Variants in DISC1 observed in about 807,000 individuals in gnomAD.
DISC1 encodes the protein DISC1 scaffold protein.
In DISC1, 57 loss-of-function variants were observed where a neutral mutation model predicts 84.5. That is an observed-to-expected ratio of 0.67 (90% CI 0.55 to 0.84). The LOEUF is 0.84. Ranked by LOEUF, DISC1 falls within the 40% of genes least tolerant of loss-of-function variation. The probability of loss-of-function intolerance (pLI) is 0.00; values close to 1 mark genes in which losing one functional copy is unlikely to be tolerated. For missense variants in DISC1, 1,000 were observed against 1,057.8 expected, an observed-to-expected ratio of 0.95 and a Z score of 0.76; for synonymous variants, 411 against 415.2, an observed-to-expected ratio of 0.99 and a Z score of 0.12.
chr1:231,631,907 C>T (rs904168020), intron 1 of DISC1, among the ~76,000 whole-genome samples: 7 of 152,136 alleles, frequency 4.6e-5, no homozygotes, highest in African/African-American at 1.7e-4. Flanking sequence ...CGTGCACTCA[C>T]CACTCACTCA....
intron 10 of DISC1, among the ~76,000 whole-genome samples, chr1:232,007,534 G>A (rs1327946829): frequency 6.6e-6 from 1 of 152,178 alleles, no homozygotes; most frequent in African/African-American, 2.4e-5. Flanking sequence ...GTTTTGGCCA[G>A]TTTCTCCCAT....
intron 1 of DISC1, among the ~76,000 whole-genome samples, chr1:231,674,664 T>G (rs1345938673): frequency 6.6e-6 from 1 of 152,246 alleles, no homozygotes; most frequent in African/African-American, 2.4e-5. Flanking sequence ...ACTTGTTGGG[T>G]ACACAGAGTA....
chr1:231,736,907 G>A (rs906707237), intron 3 of DISC1, among the ~76,000 whole-genome samples: 1 of 152,204 alleles, frequency 6.6e-6, no homozygotes, highest in African/African-American at 2.4e-5. Flanking sequence ...AGTGGGAATC[G>A]AATCTATTTA....
intron 12 of DISC1, among the ~76,000 whole-genome samples, chr1:232,034,473 C>T (rs200685824): frequency 2.6e-5 from 4 of 152,198 alleles, no homozygotes; most frequent in South Asian, 4.1e-4. Context: ...GTTGTATGAG[C>T]GGCTGATGTG....
intron 1 of DISC1, among the ~76,000 whole-genome samples, chr1:231,640,348 T>G (rs2125166986): frequency 6.6e-6 from 1 of 152,022 alleles, no homozygotes; most frequent in South Asian, 2.1e-4. Flanking sequence ...AACATAAGAG[T>G]GTCTTGGGGA....
intron 9 of DISC1, among the ~76,000 whole-genome samples, chr1:231,906,282 A>G (rs2088631683): frequency 6.6e-6 from 1 of 152,170 alleles, no homozygotes; most frequent in Non-Finnish European, 1.5e-5. Context: ...TTGACCTCCC[A>G]AAGTGCTGGG....
chr1:231,778,176 C>T (rs150042589), intron 6 of DISC1, among the ~76,000 whole-genome samples: 324 of 152,280 alleles, frequency 2.1e-3, no homozygotes, highest in African/African-American at 7.3e-3. Flanking sequence ...GAAGACCAAA[C>T]AGGCAACTGT....
intron 8 of DISC1, among the ~76,000 whole-genome samples, chr1:231,807,624 G>A (rs200890430): frequency 3.1e-4 from 47 of 152,114 alleles, no homozygotes; most frequent in Non-Finnish European, 6.6e-4. Flanking sequence ...TTTAAGCCCC[G>A]GTCCTCCTTC....
chr1:231,835,337 T>G (rs2082552103), intron 9 of DISC1, among the ~76,000 whole-genome samples: 1 of 151,774 alleles, frequency 6.6e-6, no homozygotes, highest in South Asian at 2.1e-4. Context: ...GAAAAGAGAG[T>G]CAGCGAAGGG....
Position 231,885,652 on chromosome 1 carries a change from A to G in DISC1, c.1981+67135A>G, listed in dbSNP as rs989621600. Among the ~76,000 whole-genome samples, 6 of 151,998 alleles carry G rather than the reference A, an allele frequency of 3.9e-5. No homozygotes were observed. The South Asian group carries it at 1.0e-3, about 26-fold the overall frequency. On this transcript the variant is annotated intron_variant, in intron 9 of 12. Coordinates refer to ENST00000439617, the MANE Select transcript of DISC1 (RefSeq NM_018662.3). ...GATTATGTCTGTGGTTTGTTTCACT[A>G]TTTTCTGGATCACTTCTGAACCAGT...
intron 6 of DISC1, among the ~76,000 whole-genome samples, chr1:231,791,263 T>TA (rs2078328661): frequency 6.6e-6 from 1 of 152,230 alleles, no homozygotes; most frequent in African/African-American, 2.4e-5. Flanking sequence ...CAGTTCATTT[T>TA]AAATAGGTAC....
chr1:231,813,673 TG>T (rs2080571053), intron 8 of DISC1, among the ~76,000 whole-genome samples: 1 of 152,202 alleles, frequency 6.6e-6, no homozygotes, highest in African/African-American at 2.4e-5. Context: ...GCTTGGCATT[TG>T]GGGCACTATT....
At chr1:231,978,618 A>G (rs1663161844) in intron 10 of DISC1, among the ~76,000 whole-genome samples, 1 of 152,178 alleles carries the variant, frequency 6.6e-6, no homozygotes, top group South Asian at 2.1e-4. Context: ...TATATTCGTG[A>G]TATTTCAGTT....
rs541596242 is a variant in DISC1, at chr1:231,693,952, T to A, written c.194T>A (p.Phe65Tyr). The A allele has an allele frequency of 6.2e-7, 1 of 1,614,102 alleles. No homozygotes were observed. The highest frequency in any genetic ancestry group is 1.7e-5 in the Admixed American group (1 of 60,008). The change falls in exon 2 of 13, where the codon TTC (phenylalanine) becomes TAC (tyrosine). Residue 65 changes from phenylalanine (F) to tyrosine (Y), a missense_variant. Transcript: ENST00000439617. ...GFLSPAVGTL[F>Y]RFPGGVSGEE... ...CTTTCCCCAGCAGTGGGCACACTGT[T>A]CCGGTTCCCAGGAGGGGTGTCTGGC...
At position 231,659,183 on chromosome 1, in the gene DISC1, T is replaced by C. The variant is rs377223311; in HGVS notation, c.67+32249T>C. 5.9e-5 allele frequency among the ~76,000 whole-genome samples: 9 copies of C among 152,306 alleles called. No homozygotes were observed. In the East Asian group the frequency reaches 1.7e-3, roughly 29 times the overall value. On this transcript the variant is annotated intron_variant, in intron 1 of 12. Coordinates refer to ENST00000439617, the MANE Select transcript of DISC1 (RefSeq NM_018662.3). ...ACTCATTATTGGTCTATTCAGAGAT[T>C]CAATTTCTTCCTGGTTCAGTCTTGG...
intron 9 of DISC1, among the ~76,000 whole-genome samples, chr1:231,873,199 C>G (rs1326621813): frequency 6.6e-6 from 1 of 152,224 alleles, no homozygotes; most frequent in South Asian, 2.1e-4. Flanking sequence ...TTGGGAAGAA[C>G]AAACCCATTA....
At position 232,039,831 on chromosome 1, in the gene DISC1, A is replaced by G. The variant is rs1490713878; in HGVS notation, c.*3000A>G. On this transcript the variant is annotated 3_prime_UTR_variant, in exon 13 of 13. Transcript: ENST00000439617. The stretch of plus-strand genomic sequence containing the variant: ...CACATACTGGAAATGATGAGTTAGA[A>G]TCTGATTTGACTGGGATGTTTTATG... 3 of 152,116 alleles carry G rather than the reference A, an allele frequency of 2.0e-5. No individual in the cohort carries two copies. Among genetic ancestry groups the G allele is most frequent in the African/African-American group, 7.2e-5 (3 of 41,438 alleles). 9.4% of individuals were successfully genotyped at this position (152,116 alleles called of 1,614,324 possible).
chr1:231,653,861 G>A (rs1374118460), intron 1 of DISC1, among the ~76,000 whole-genome samples: 2 of 152,088 alleles, frequency 1.3e-5, no homozygotes, highest in African/African-American at 2.4e-5. Flanking sequence ...CCTCCCTAGC[G>A]CCTCCCAATT....
At chr1:231,790,457 T>C (rs2078246169) in intron 6 of DISC1, among the ~76,000 whole-genome samples, 1 of 152,040 alleles carries the variant, frequency 6.6e-6, no homozygotes, top group African/African-American at 2.4e-5. Flanking sequence ...AGCTGTCTTC[T>C]CTTTTGTCTT....
Sources: allele counts gnomAD v4.1 joint callset (sites outside exome capture counted in the v4.1 genomes callset), GRCh38; gene constraint gnomAD v4.1.1; transcripts MANE v1.5; gene names NCBI Gene and HGNC (gene_info 2026-07-23, HGNC 2026-07-21).